Variants in SMYD3 observed in about 807,000 individuals in gnomAD.
SMYD3 encodes the protein SET and MYND domain containing 3.
A neutral mutation model predicts 57.7 loss-of-function variants in SMYD3; 36 were observed. The ratio of observed to expected loss-of-function variants is 0.62; its 90% CI spans 0.48 to 0.82. The LOEUF is 0.82. Among genes scored for constraint, SMYD3 ranks in the 40% least tolerant of loss-of-function variants. The pLI is 0.00. For missense variants in SMYD3, 515 were observed against 538.8 expected (o/e 0.96, Z 0.44); for synonymous variants, 211 against 195.0 (o/e 1.08, Z -0.68).
At chr1:246,282,605 C>G (rs2064477367) in intron 5 of SMYD3, among the ~76,000 whole-genome samples, 3 of 149,364 alleles carry the variant, frequency 2.0e-5, no homozygotes, top group African/African-American at 7.4e-5. Flanking sequence ...CATTATTTTT[C>G]CACATCTCTT....
intron 11 of SMYD3, among the ~76,000 whole-genome samples, chr1:245,762,248 C>T (rs2045878309): frequency 6.6e-6 from 1 of 152,184 alleles, no homozygotes; most frequent in Admixed American, 6.5e-5. Context: ...GTCCCATTGA[C>T]CTCACACAGC....
intron 5 of SMYD3, among the ~76,000 whole-genome samples, chr1:246,271,699 A>G (rs763823995): frequency 3.3e-5 from 5 of 152,258 alleles, no homozygotes; most frequent in Non-Finnish European, 7.3e-5. Flanking sequence ...TGGTCACAGT[A>G]GCTTCTTAGC....
At chr1:245,933,913 C>T (rs1375655186) in intron 5 of SMYD3, among the ~76,000 whole-genome samples, 1 of 152,186 alleles carries the variant, frequency 6.6e-6, no homozygotes, top group Non-Finnish European at 1.5e-5. Flanking sequence ...AGTAATTCTA[C>T]ACCATAAGAC....
chr1:246,204,298 C>A (rs911815424), intron 5 of SMYD3, among the ~76,000 whole-genome samples: 1 of 152,134 alleles, frequency 6.6e-6, no homozygotes, highest in Non-Finnish European at 1.5e-5. Context: ...TGAAAACAGG[C>A]TTCTTTGTAC....
intron 10 of SMYD3, among the ~76,000 whole-genome samples, chr1:245,808,593 C>G (rs1424809973): frequency 6.6e-6 from 1 of 152,160 alleles, no homozygotes; most frequent in African/African-American, 2.4e-5. Context: ...TCCCCTTTCT[C>G]AAGCACACAC....
At chr1:245,941,360 AATCATCAG>A (rs899072388) in intron 5 of SMYD3, among the ~76,000 whole-genome samples, 3 of 152,272 alleles carry the variant, frequency 2.0e-5, no homozygotes, top group African/African-American at 7.2e-5. Flanking sequence ...CAAGACTCAT[AATCATCAG>A]ATTCTCCATG....
At position 246,282,305 on chromosome 1, in the gene SMYD3, C is replaced by CAAAAAAAAAAAAAAAAAAAAAAA. The variant is rs57740230; in HGVS notation, c.531+44873_531+44895dup. On this transcript the variant is annotated intron_variant, in intron 5 of 11. Transcript: ENST00000490107. ...CAACATGGCAAGACCCTCATCTCTA[C>CAAAAAAAAAAAAAAAAAAAAAAA]AAAAAAAAAAAAAAAAAAAAAAAAA... is the stretch of plus-strand genomic sequence containing the variant. Among the ~76,000 whole-genome samples the CAAAAAAAAAAAAAAAAAAAAAAA allele has an allele frequency of 1.2e-4, 8 of 67,932 alleles. 2 individuals are homozygous for CAAAAAAAAAAAAAAAAAAAAAAA. The highest frequency in any genetic ancestry group is 3.9e-4 in the East Asian group (1 of 2,578). The allele number at this position is 67,932 out of a possible 152,430, so 44.6% of individuals were successfully genotyped here.
At chr1:245,776,674 G>C (rs2046612372) in intron 10 of SMYD3, among the ~76,000 whole-genome samples, 1 of 152,222 alleles carries the variant, frequency 6.6e-6, no homozygotes, top group African/African-American at 2.4e-5. Context: ...TAGCACAGGT[G>C]TTGGAAGGTG....
At chr1:246,424,900 C>A (rs2067196102) in intron 1 of SMYD3, among the ~76,000 whole-genome samples, 1 of 152,110 alleles carries the variant, frequency 6.6e-6, no homozygotes, top group South Asian at 2.1e-4. Flanking sequence ...CATCAACATA[C>A]CCACTTGCAA....
At chr1:245,840,292 T>C (rs2050335087) in intron 10 of SMYD3, among the ~76,000 whole-genome samples, 2 of 152,014 alleles carry the variant, frequency 1.3e-5, no homozygotes, top group African/African-American at 4.8e-5. Flanking sequence ...CCTAAAACCT[T>C]ACAGAAAAGA....
In SMYD3 at chr1:246,270,313, A is replaced by C. The variant is rs112515235; in HGVS notation, c.531+56888T>G. Reference sequence around the variant, plus strand: ...AACTGTTTTCATTTTTTATTGCAATAAAATATGCATAAAAAATTTACTATC... The same window carrying C: ...AACTGTTTTCATTTTTTATTGCAATCAAATATGCATAAAAAATTTACTATC... On this transcript the variant is annotated intron_variant, in intron 5 of 11. Transcript: ENST00000490107. Among the ~76,000 whole-genome samples, 1,331 of 152,336 alleles carry C rather than the reference A, an allele frequency of 8.7e-3. 20 individuals are homozygous for C. Among genetic ancestry groups the C allele is most frequent in the African/African-American group, 0.03 (1,229 of 41,584 alleles).
rs2062933595 is a variant in SMYD3 at position 246,202,229 on chromosome 1, T to C, written c.531+124972A>G. On this transcript the variant is annotated intron_variant, in intron 5 of 11. Coordinates refer to ENST00000490107, the MANE Select transcript of SMYD3 (RefSeq NM_001167740.2). The surrounding 1 kb of genome is among the most constrained non-coding windows in gnomAD (Gnocchi z 4.1). ...TTAAAAAAACAGTGACATATACATA[T>C]CAGTCCTTTTATTTAGTACTGTAGT... 6.6e-6 allele frequency among the ~76,000 whole-genome samples: 1 copy of C among 152,238 alleles called. No individual in the cohort carries two copies. The highest frequency in any genetic ancestry group is 6.5e-5 in the Admixed American group (1 of 15,288).
chr1:246,150,584 G>C (rs2148152858), intron 5 of SMYD3, among the ~76,000 whole-genome samples: 1 of 152,258 alleles, frequency 6.6e-6, no homozygotes, highest in Admixed American at 6.5e-5. Flanking sequence ...GTTTCTGTCT[G>C]CATAAAGCAC....
At chr1:246,277,934 T>C (rs1283965435) in intron 5 of SMYD3, among the ~76,000 whole-genome samples, 1 of 152,232 alleles carries the variant, frequency 6.6e-6, no homozygotes, top group Non-Finnish European at 1.5e-5. Flanking sequence ...TGTATCTTCA[T>C]TGCCATGATA....
At chr1:245,779,792 G>A (rs556039761) in intron 10 of SMYD3, among the ~76,000 whole-genome samples, 3 of 152,282 alleles carry the variant, frequency 2.0e-5, no homozygotes, top group Non-Finnish European at 4.4e-5. Context: ...ATATAAAATG[G>A]TAAAGCACTT....
intron 5 of SMYD3, among the ~76,000 whole-genome samples, chr1:246,264,211 A>C (rs983157714): frequency 6.6e-6 from 1 of 152,210 alleles, no homozygotes; most frequent in Non-Finnish European, 1.5e-5. Flanking sequence ...TTCTTTTTAA[A>C]TTAGTATATC....
At chr1:246,359,702 A>C (rs1016138547) in intron 1 of SMYD3, among the ~76,000 whole-genome samples, 1 of 152,216 alleles carries the variant, frequency 6.6e-6, no homozygotes, top group African/African-American at 2.4e-5. Context: ...AGAATTAAAA[A>C]CAAGAATCAC....
chr1:246,002,221 G>A (rs1018408008), intron 5 of SMYD3, among the ~76,000 whole-genome samples: 44 of 149,806 alleles, frequency 2.9e-4, no homozygotes, highest in African/African-American at 1.1e-3. Context: ...GTCTCGCTCC[G>A]TCACCCAGGC....
chr1:246,442,946 C>T (rs759094714), intron 1 of SMYD3, among the ~76,000 whole-genome samples: 4 of 152,270 alleles, frequency 2.6e-5, no homozygotes, highest in South Asian at 2.1e-4. Flanking sequence ...AGAATTCTTG[C>T]CTAGCAACTT....
Sources: allele counts gnomAD v4.1 joint callset (sites outside exome capture counted in the v4.1 genomes callset), GRCh38; gene constraint gnomAD v4.1.1; non-coding constraint Gnocchi (gnomAD v3.1); transcripts MANE v1.5; gene names NCBI Gene and HGNC (gene_info 2026-07-23, HGNC 2026-07-21).